Variants in NTRK3 observed in about 807,000 individuals in gnomAD.
NTRK3 encodes the protein neurotrophic receptor tyrosine kinase 3.
Under a neutral mutation model 91.7 loss-of-function variants are expected in NTRK3, and 24 were observed. That is an observed-to-expected ratio of 0.26 (90% CI 0.19 to 0.37). NTRK3 has a LOEUF of 0.37. Among genes scored for constraint, NTRK3 ranks in the 10% least tolerant of loss-of-function variants. NTRK3 has a pLI of 1.00. For missense variants in NTRK3, 880 were observed against 1,068.9 expected (o/e 0.82, Z 2.46); for synonymous variants, 483 against 404.0 (o/e 1.20, Z -2.34).
exon 3 of NTRK3, chr15:88,256,124 A>G: frequency 6.3e-7 from 1 of 1,579,638 alleles, no homozygotes; most frequent in Non-Finnish European, 8.6e-7. Flanking sequence ...GCCAGAAACT[A>G]CACTTGGCTG....
chr15:88,147,999 C>T (rs980661197), intron 5 of NTRK3, among the ~76,000 whole-genome samples: 1 of 152,146 alleles, frequency 6.6e-6, no homozygotes, highest in Non-Finnish European at 1.5e-5. Flanking sequence ...AACACGCCCA[C>T]GGTTATTACT....
chr15:87,957,592 G>C (rs1257051597), intron 14 of NTRK3, among the ~76,000 whole-genome samples: 1 of 151,972 alleles, frequency 6.6e-6, no homozygotes, highest in Non-Finnish European at 1.5e-5. Flanking sequence ...AGGAGCTCTT[G>C]GAAAATAGAG....
At chr15:87,883,982 A>G (rs1374866856) in intron 17 of NTRK3, among the ~76,000 whole-genome samples, 1 of 98,418 alleles carries the variant, frequency 1.0e-5, no homozygotes, top group African/African-American at 3.5e-5. Context: ...ATAAGGATTC[A>G]GCAAGAAAAA....
At chr15:87,959,825 G>A (rs926220329) in intron 14 of NTRK3, among the ~76,000 whole-genome samples, 10 of 152,220 alleles carry the variant, frequency 6.6e-5, no homozygotes, top group African/African-American at 2.4e-4. Context: ...GAACGGCTAA[G>A]AGGGAGCCAA....
intron 3 of NTRK3, among the ~76,000 whole-genome samples, chr15:88,197,643 G>C (rs535305237): frequency 1.3e-5 from 2 of 152,194 alleles, no homozygotes; most frequent in African/African-American, 4.8e-5. Flanking sequence ...CCTGAGGCTT[G>C]AATCCAGCTG....
chr15:88,100,405 T>G (rs960604656), intron 13 of NTRK3, among the ~76,000 whole-genome samples: 4 of 152,258 alleles, frequency 2.6e-5, no homozygotes, highest in South Asian at 4.1e-4. Context: ...AAGTATTACA[T>G]AGTTAACAAC....
At chr15:88,122,691 C>T (rs765845840) in intron 13 of NTRK3, among the ~76,000 whole-genome samples, 3 of 151,334 alleles carry the variant, frequency 2.0e-5, no homozygotes, top group Non-Finnish European at 2.9e-5. Flanking sequence ...ATTAGTAGGC[C>T]CTCCCTATCG....
rs370249055 is a variant in NTRK3, at chr15:87,877,823, GT to G, written c.2293-704del. On this transcript the variant is annotated intron_variant, in intron 18 of 18. Coordinates refer to ENST00000394480, the Ensembl canonical transcript of NTRK3. ...CCTCAGGATCTCAGCATGTCCATCT[GT>G]AAGATGGAATCAAATGTCTGCCTTA... Among the ~76,000 whole-genome samples, 1,162 of 152,138 alleles carry G rather than the reference GT, an allele frequency of 7.6e-3. 17 individuals carry two copies. The highest frequency in any genetic ancestry group is 0.026 in the African/African-American group (1,096 of 41,484).
In NTRK3 at chr15:88,255,924, G is replaced by C. The variant is rs1598216394; in HGVS notation, c.230C>G (p.Ser77Ter). 6.2e-7 allele frequency: 1 copy of C among 1,612,892 alleles called. No individual in the cohort carries two copies. The highest frequency in any genetic ancestry group is 8.5e-7 in the Non-Finnish European group (1 of 1,179,358). The change falls in exon 3 of 19, where the codon TCA becomes TGA. Residue 77 changes from serine (S) to a stop codon, truncating the protein, a stop_gained. Transcript: ENST00000394480. LOFTEE classifies it high-confidence loss of function. This position sits in a 1 kb window ranked among gnomAD's most constrained non-coding sequence, Gnocchi z 4.3. ...GACTTACATGGAAGTGATATTCCTT[G>C]AGATGTCCGTGATGTTGATACTGGC...
chr15:87,909,416 C>T (rs1435396), intron 17 of NTRK3, among the ~76,000 whole-genome samples: 4,823 of 152,198 alleles, frequency 0.032, 268 homozygotes, highest in African/African-American at 0.11. Flanking sequence ...AGAAGCAGCA[C>T]TGGAATGACC....
chr15:88,071,112 G>A (rs547361518), intron 13 of NTRK3, among the ~76,000 whole-genome samples: 2 of 152,324 alleles, frequency 1.3e-5, no homozygotes, highest in South Asian at 4.1e-4. Context: ...AAACTGCCCA[G>A]GGAAGAAGGA....
At chr15:88,049,831 C>G (rs2080633977) in intron 13 of NTRK3, among the ~76,000 whole-genome samples, 1 of 152,216 alleles carries the variant, frequency 6.6e-6, no homozygotes, top group African/African-American at 2.4e-5. Context: ...GAAGTTTCTG[C>G]TAATCGAAGA....
intron 14 of NTRK3, among the ~76,000 whole-genome samples, chr15:87,970,697 A>G (rs920753448): frequency 1.3e-5 from 2 of 152,210 alleles, no homozygotes; most frequent in Non-Finnish European, 2.9e-5. Context: ...AACATTCTCC[A>G]AAGTTCTCTG....
intron 13 of NTRK3, among the ~76,000 whole-genome samples, chr15:88,047,709 G>A (rs994949998): frequency 2.0e-5 from 3 of 152,158 alleles, no homozygotes; most frequent in Non-Finnish European, 4.4e-5. Flanking sequence ...AGAGATGTCT[G>A]GTTCTATTAA....
In NTRK3 at chr15:88,255,854, G is replaced by A. The variant is rs2054004120; in HGVS notation, c.248+52C>T. On this transcript the variant is annotated intron_variant, in intron 3 of 18. Coordinates refer to ENST00000394480, the Ensembl canonical transcript of NTRK3. The surrounding 1 kb of genome is among the most constrained non-coding windows in gnomAD (Gnocchi z 4.3). ...GGCTCCCGGCCGCGGGTGGGCAGGAGGGAGACGCAGAGCGCGGGGGAGGCA... is the reference window on the plus strand; with the variant it reads ...GGCTCCCGGCCGCGGGTGGGCAGGAAGGAGACGCAGAGCGCGGGGGAGGCA... 2 of 1,546,524 alleles carry A rather than the reference G, an allele frequency of 1.3e-6. No homozygotes were observed. Among genetic ancestry groups the A allele is most frequent in the Non-Finnish European group, 1.8e-6 (2 of 1,138,366 alleles).
chr15:88,216,512 G>C (rs550029794), intron 3 of NTRK3, among the ~76,000 whole-genome samples: 1 of 152,308 alleles, frequency 6.6e-6, no homozygotes, highest in East Asian at 1.9e-4. Flanking sequence ...GCAGGGAGGC[G>C]ATTCTGCACG....
intron 3 of NTRK3, among the ~76,000 whole-genome samples, chr15:88,195,171 AAC>A (rs1487790924): frequency 2.0e-5 from 3 of 152,182 alleles, no homozygotes; most frequent in African/African-American, 7.2e-5. Flanking sequence ...CCCCACCCCC[AAC>A]AGAGAATTAT....
At chr15:87,877,402 C>T (rs1473145325) in intron 18 of NTRK3, among the ~76,000 whole-genome samples, 1 of 152,156 alleles carries the variant, frequency 6.6e-6, no homozygotes, top group Non-Finnish European at 1.5e-5. Context: ...ACTCTCTTCT[C>T]TTTTACCTCA....
chr15:87,980,518 T>C (rs2074151703), intron 14 of NTRK3, among the ~76,000 whole-genome samples: 1 of 152,148 alleles, frequency 6.6e-6, no homozygotes, highest in Non-Finnish European at 1.5e-5. Flanking sequence ...TGCGAATATA[T>C]GTGTGTGTAC....
Sources: allele counts gnomAD v4.1 joint callset (sites outside exome capture counted in the v4.1 genomes callset), GRCh38; gene constraint gnomAD v4.1.1; non-coding constraint Gnocchi (gnomAD v3.1); transcripts MANE v1.5; gene names NCBI Gene and HGNC (gene_info 2026-07-23, HGNC 2026-07-21).